Variants in TOM1 observed in about 807,000 individuals in gnomAD.
TOM1 encodes the protein target of Myb protein 1.
TOM1 carries 38 observed loss-of-function variants against 61.3 expected under a neutral mutation model. The observed-to-expected ratio is 0.62, with a 90% confidence interval of 0.48 to 0.81. TOM1 has a LOEUF of 0.81. TOM1 is among the 40% of genes least tolerant of loss of function. The pLI is 0.00. For missense variants in TOM1, 591 were observed against 659.6 expected, an observed-to-expected ratio of 0.90 and a Z score of 1.14; for synonymous variants, 270 against 268.8, an observed-to-expected ratio of 1.00 and a Z score of -0.04.
intron 12 of TOM1, among the ~76,000 whole-genome samples, chr22:35,343,764 C>T (rs1379170519): frequency 1.8e-5 from 2 of 110,710 alleles, no homozygotes; most frequent in East Asian, 9.1e-4. Flanking sequence ...CCTACACCTA[C>T]ACATACACAC....
rs1928060211 is a variant in TOM1, at chr22:35,323,697, G to A, written c.501+67G>A. The A allele has an allele frequency of 2.5e-6, 4 of 1,608,400 alleles. No individual in the cohort carries two copies. Among genetic ancestry groups the A allele is most frequent in the Admixed American group, 1.7e-5 (1 of 59,826 alleles). ...GGACTCATCCCCAGAGACATCACCA[G>A]GCTGGCCCCTGACTTCCTGGGCTCT... On this transcript the variant is annotated intron_variant, in intron 5 of 14. Transcript: ENST00000449058. The surrounding 1 kb of genome is among the most constrained non-coding windows in gnomAD (Gnocchi z 4.2).
chr22:35,310,017 TGGTAGG>T (rs1926682822), intron 1 of TOM1, among the ~76,000 whole-genome samples: 1 of 152,172 alleles, frequency 6.6e-6, no homozygotes, highest in Admixed American at 6.5e-5. Context: ...CAGCTCCACA[TGGTAGG>T]GTTAATAAAA....
intron 12 of TOM1, chr22:35,345,185 G>A (rs780778465): frequency 6.2e-6 from 1 of 161,302 alleles, no homozygotes; most frequent in African/African-American, 2.4e-5. Flanking sequence ...GGTTAACTTC[G>A]CGCCTCTGCT....
At chr22:35,314,093 A>C (rs1049333892) in intron 1 of TOM1, among the ~76,000 whole-genome samples, 4 of 152,234 alleles carry the variant, frequency 2.6e-5, no homozygotes, top group African/African-American at 9.6e-5. Context: ...CCCTGATGGA[A>C]TATGCCTACC....
chr22:35,337,093 C>T lies in TOM1; in HGVS notation c.1149-1620C>T, dbSNP rs112858628. Among the ~76,000 whole-genome samples the T allele has an allele frequency of 7.3e-3, 1,113 of 152,212 alleles. 8 individuals carry two copies. Among genetic ancestry groups the T allele is most frequent in the African/African-American group, 0.026 (1,060 of 41,536 alleles). ...TGGGGACTACAGGCGCCCACCACCA[C>T]ACCTGGCTAATTTTTTGTATTTTTA... On this transcript the variant is annotated intron_variant, in intron 11 of 14. Coordinates refer to ENST00000449058, the MANE Select transcript of TOM1 (RefSeq NM_005488.3).
chr22:35,331,272 CTT>C (rs547060393), intron 8 of TOM1: 336 of 396,982 alleles, frequency 8.5e-4, no homozygotes, highest in Admixed American at 1.4e-3. Context: ...ATTTTCTTTT[CTT>C]TTTTTTTTTT....
chr22:35,307,032 G>GA lies in TOM1; in HGVS notation c.52+7063dup, dbSNP rs541981917. On this transcript the variant is annotated intron_variant, in intron 1 of 14. Transcript: ENST00000449058. ...CCAGACTTCCACTCTTCTGGTTTTA[G>GA]AAAAAAAAAAACCCAAACCCTCAGT... Among the ~76,000 whole-genome samples, 128 of 145,816 alleles carry GA rather than the reference G, an allele frequency of 8.8e-4. 1 individual carries two copies. Among genetic ancestry groups the GA allele is most frequent in the East Asian group, 4.2e-3 (21 of 5,056 alleles).
rs557831705 is a variant in TOM1 at position 35,338,642 on chromosome 22, C to A, written c.1149-71C>A. ...GATGGGAGCCGTCAATCTGTGCCCC[C>A]CAGCCCGCTCCGTTCTTGCATCAGC... On this transcript the variant is annotated intron_variant, in intron 11 of 14. Coordinates refer to ENST00000449058, the MANE Select transcript of TOM1 (RefSeq NM_005488.3). 2.0e-5 allele frequency: 26 copies of A among 1,332,722 alleles called. No individual in the cohort carries two copies. The Admixed American group carries it at 5.9e-4, about 30-fold the overall frequency. The allele number at this position is 1,332,722 out of a possible 1,614,324, so 82.6% of individuals were successfully genotyped here. A position where few individuals can be genotyped will look rare whatever the true frequency, so the allele number is the denominator to read the frequency against.
chr22:35,303,547 G>A (rs1569015704), intron 1 of TOM1, among the ~76,000 whole-genome samples: 1 of 148,922 alleles, frequency 6.7e-6, no homozygotes, highest in Non-Finnish European at 1.5e-5. Context: ...AAAAAGGCTG[G>A]AATGCAGTGG....
At chr22:35,321,728 A>G (rs1473405348) in intron 2 of TOM1, 2 of 657,446 alleles carry the variant, frequency 3.0e-6, no homozygotes, top group Admixed American at 2.1e-5. Flanking sequence ...AAACGCTCTC[A>G]TCTTTTCTCA....
chr22:35,338,158 C>T (rs1929542472), intron 11 of TOM1, among the ~76,000 whole-genome samples: 1 of 152,156 alleles, frequency 6.6e-6, no homozygotes, highest in Non-Finnish European at 1.5e-5. Context: ...GCTGGCACCC[C>T]CCAGAGGACA....
At chr22:35,321,193 A>G (rs1601684800) in intron 2 of TOM1, among the ~76,000 whole-genome samples, 1 of 151,944 alleles carries the variant, frequency 6.6e-6, no homozygotes, top group Non-Finnish European at 1.5e-5. Flanking sequence ...CTATTTTTGT[A>G]ATGAAAACAT....
At chr22:35,334,812 C>T (rs979968154) in intron 11 of TOM1, among the ~76,000 whole-genome samples, 1 of 152,092 alleles carries the variant, frequency 6.6e-6, no homozygotes, top group African/African-American at 2.4e-5. Context: ...TGTCTGGTTC[C>T]AAAACACAGT....
At chr22:35,330,543 C>G (rs543244407) in intron 8 of TOM1, 63 bp downstream of exon 8, 2 of 1,484,410 alleles carry the variant, frequency 1.3e-6, no homozygotes, top group Admixed American at 2.0e-5. Flanking sequence ...TCCCTTCCTC[C>G]CTGTTCTCCT....
intron 9 of TOM1, 23 bp downstream of exon 9, chr22:35,333,037 C>T: frequency 1.2e-6 from 2 of 1,613,468 alleles, no homozygotes; most frequent in Non-Finnish European, 1.7e-6. Context: ...TTTTCTGTGA[C>T]TAGATCAGGC....
rs1490382527 is a variant in TOM1 at position 35,323,749 on chromosome 22, C to A, written c.502-19C>A. ...GATGTTCCCAGGAGCCCTCACTGAT[C>A]CTGTTTTCCTCCCACTAGACCGTGT... On this transcript the variant is annotated intron_variant, in intron 5 of 14. Coordinates refer to ENST00000449058, the MANE Select transcript of TOM1 (RefSeq NM_005488.3). This position sits in a 1 kb window ranked among gnomAD's most constrained non-coding sequence, Gnocchi z 4.2. The A allele has an allele frequency of 6.2e-7, 1 of 1,600,474 alleles. No individual in the cohort carries two copies. The highest frequency in any genetic ancestry group is 2.2e-5 in the East Asian group (1 of 44,632).
At chr22:35,308,972 T>C (rs533103196) in intron 1 of TOM1, among the ~76,000 whole-genome samples, 2 of 152,310 alleles carry the variant, frequency 1.3e-5, no homozygotes, top group East Asian at 3.9e-4. Context: ...GATGGAACTT[T>C]CCACGCTGGG....
intron 7 of TOM1, among the ~76,000 whole-genome samples, chr22:35,329,542 T>C (rs1366251536): frequency 2.6e-5 from 4 of 152,228 alleles, no homozygotes; most frequent in African/African-American, 7.2e-5. Flanking sequence ...CTAAAATTAT[T>C]CCAAAGCTAA....
At chr22:35,326,336 C>T (rs928744278) in intron 6 of TOM1, among the ~76,000 whole-genome samples, 1 of 152,190 alleles carries the variant, frequency 6.6e-6, no homozygotes, top group East Asian at 1.9e-4. Flanking sequence ...TGCATGAGGG[C>T]ATTAAACACC....
Sources: gnomAD v4.1 joint callset for allele counts (sites outside exome capture counted in the v4.1 genomes callset) on GRCh38, gnomAD v4.1.1 for gene constraint, Gnocchi (gnomAD v3.1) non-coding constraint, MANE v1.5 for transcripts, NCBI Gene and HGNC (gene_info 2026-07-23, HGNC 2026-07-21) for gene names.